The following MINAR1 variants were observed in gnomAD, a reference collection of about 807,000 sequenced individuals.
MINAR1 encodes the protein membrane integral NOTCH2 associated receptor 1, also known as major intrinsically disordered Notch2-binding receptor 1.
A neutral mutation model predicts 65.1 loss-of-function variants in MINAR1; 40 were observed. The observed-to-expected ratio is 0.61, with a 90% confidence interval of 0.48 to 0.80. The LOEUF (loss-of-function observed/expected upper bound fraction) is 0.80. Ranked by LOEUF, MINAR1 falls within the 30% of genes least tolerant of loss-of-function variation. The pLI, the probability that MINAR1 is intolerant of heterozygous loss-of-function variation, is 0.00. For missense variants in MINAR1, 1,128 were observed against 1,148.0 expected (o/e 0.98, Z 0.25); for synonymous variants, 482 against 449.1 (o/e 1.07, Z -0.93).
At chr15:79,419,059 G>A in the MINAR1 span, 1 of 152,200 alleles carries the variant, frequency 6.6e-6, no homozygotes, top group African/African-American at 2.4e-5. Flanking sequence ...GGAACACATC[G>A]ACCCTACTGG....
rs1439024536 is a variant in MINAR1 at position 79,458,054 on chromosome 15, AG to A, written c.1908del (p.Gln636HisfsTer5). ...AATAAATTGGACCAGAAAATGCAACAGCCTGAGAAGGTGAGTGTGCAGATAG... is the reference window on the plus strand; with the variant it reads ...AATAAATTGGACCAGAAAATGCAACACCTGAGAAGGTGAGTGTGCAGATAG... ...KLNKLDQKMQ[Q>X]PEKVSVQIDL... On this transcript the variant is annotated frameshift_variant, in exon 2 of 4. Transcript: ENST00000305428. LOFTEE classifies it high-confidence loss of function. The A allele has an allele frequency of 6.2e-6, 10 of 1,614,216 alleles. No homozygotes were observed. Among genetic ancestry groups the A allele is most frequent in the Non-Finnish European group, 8.5e-6 (10 of 1,180,044 alleles).
intron 1 of MINAR1, among the ~76,000 whole-genome samples, chr15:79,449,922 TCC>T (rs1434120803): frequency 1.3e-5 from 2 of 151,852 alleles, no homozygotes; most frequent in Non-Finnish European, 2.9e-5. Flanking sequence ...CATCAAACAC[TCC>T]CCTCCTCTTT....
the MINAR1 span, chr15:79,414,881 A>G: frequency 1.3e-5 from 2 of 152,218 alleles, no homozygotes; most frequent in Non-Finnish European, 2.9e-5. Flanking sequence ...GACGGGTACA[A>G]ACCAGCACCC....
chr15:79,446,059 T>G (rs978427838), intron 1 of MINAR1, among the ~76,000 whole-genome samples: 1 of 152,204 alleles, frequency 6.6e-6, no homozygotes, highest in Non-Finnish European at 1.5e-5. Flanking sequence ...ATTTTCTACC[T>G]TCTCTTAATT....
upstream of MINAR1, among the ~76,000 whole-genome samples, chr15:79,429,401 C>G (rs921600288): frequency 2.2e-4 from 33 of 152,366 alleles, no homozygotes; most frequent in African/African-American, 7.9e-4. Flanking sequence ...TATCAAATGT[C>G]TAAAACCATG....
chr15:79,440,327 C>T (rs1383799406), intron 1 of MINAR1, among the ~76,000 whole-genome samples: 1 of 152,142 alleles, frequency 6.6e-6, no homozygotes, highest in African/African-American at 2.4e-5. Context: ...TCTCCATCAA[C>T]CCAAAAGATG....
At chr15:79,467,288 A>ATT (rs1895901232) in intron 3 of MINAR1, among the ~76,000 whole-genome samples, 1 of 152,190 alleles carries the variant, frequency 6.6e-6, no homozygotes, top group African/African-American at 2.4e-5. Context: ...AAAAATGGAT[A>ATT]TTTTGTTTGC....
Position 79,457,429 on chromosome 15 carries a change from T to C in MINAR1, c.1282T>C (p.Tyr428His), listed in dbSNP as rs549288323. The part of the protein sequence containing the change: ...KDQQPILPIA[Y>H]AAKQNGLKSK... ...TCAACAGCCAATTCTCCCCATTGCT[T>C]ATGCGGCAAAACAAAATGGGCTCAA... Residue 428 changes from tyrosine (Y) to histidine (H), a missense_variant, in exon 2 of 4, where the codon TAT becomes CAT. Physicochemically the swap from Tyr to His is moderately conservative, Grantham distance 83 (BLOSUM62 2). Coordinates refer to ENST00000305428, the MANE Select transcript of MINAR1 (RefSeq NM_015206.3). The C allele has an allele frequency of 2.2e-5, 35 of 1,614,190 alleles. No individual in the cohort carries two copies. In the African/African-American group the frequency reaches 3.7e-4, roughly 17 times the overall value.
the MINAR1 span, chr15:79,420,097 C>T: frequency 6.6e-6 from 1 of 152,066 alleles, no homozygotes; most frequent in East Asian, 1.9e-4. Flanking sequence ...TAAAGATAGA[C>T]TATTATGTAT....
At chr15:79,467,657 G>C (rs1297547334) in intron 3 of MINAR1, among the ~76,000 whole-genome samples, 1 of 152,162 alleles carries the variant, frequency 6.6e-6, no homozygotes, top group South Asian at 2.1e-4. Flanking sequence ...CAGATAAATG[G>C]CTGAATTTGA....
At chr15:79,437,678 GGTGGC>G (rs1203337184) in intron 1 of MINAR1, among the ~76,000 whole-genome samples, 23 of 116,086 alleles carry the variant, frequency 2.0e-4, no homozygotes, top group East Asian at 5.5e-4. Context: ...GTGGGGTGTG[GGTGGC>G]GTGGGTAGTG....
At chr15:79,434,318 G>A (rs994473539) in intron 1 of MINAR1, among the ~76,000 whole-genome samples, 9 of 152,122 alleles carry the variant, frequency 5.9e-5, no homozygotes, top group African/African-American at 1.4e-4. Flanking sequence ...AGGCAAAATT[G>A]ATGTCTTTCC....
upstream of MINAR1, among the ~76,000 whole-genome samples, chr15:79,427,656 G>A (rs1894344225): frequency 6.6e-6 from 1 of 152,210 alleles, no homozygotes; most frequent in South Asian, 2.1e-4. Flanking sequence ...TCCCTAGGAA[G>A]TGAAGTAGAG....
In MINAR1 at chr15:79,463,289, G is replaced by A. The variant is rs763852899; in HGVS notation, c.2521G>A (p.Asp841Asn). 9.3e-6 allele frequency: 15 copies of A among 1,613,944 alleles called. No homozygotes were observed. Among genetic ancestry groups the A allele is most frequent in the South Asian group, 2.2e-5 (2 of 91,086 alleles). The part of the protein sequence containing the change: ...TIEEYARNAG[D>N]KGKLTALDLQ... ...TGAGGAGTATGCACGGAATGCGGGC[G>A]ACAAGGGCAAGCTGACAGCCCTGGA... The change falls in exon 3 of 4, where the codon GAC (aspartate) becomes AAC (asparagine). Residue 841 changes from aspartate (D) to asparagine (N), a missense_variant. Asp to Asn is a conservative substitution (Grantham distance 23). Transcript: ENST00000305428.
chr15:79,412,820 G>A, the MINAR1 span: 1 of 152,346 alleles, frequency 6.6e-6, no homozygotes, highest in Non-Finnish European at 1.5e-5. Context: ...CCATTGGAGT[G>A]TTGTGACCAG....
At chr15:79,454,246 C>G (rs2141291155) in intron 1 of MINAR1, among the ~76,000 whole-genome samples, 1 of 152,262 alleles carries the variant, frequency 6.6e-6, no homozygotes, top group South Asian at 2.1e-4. Flanking sequence ...AAATGCAAAC[C>G]ACTGGTCTCT....
At position 79,457,752 on chromosome 15, in the gene MINAR1, A is replaced by C. The variant is rs781687580; in HGVS notation, c.1605A>C (p.Gly535=). 6.2e-7 allele frequency: 1 copy of C among 1,614,216 alleles called. No homozygotes were observed. The highest frequency in any genetic ancestry group is 8.5e-7 in the Non-Finnish European group (1 of 1,180,044). Residue 535 remains glycine (G), a synonymous_variant, in exon 2 of 4, where the codon GGA becomes GGC. Transcript: ENST00000305428. ...ACATGAGCATCAGTGGCTCCACGGGAGTGATACAGTCGTCCTGCTACAACA... is the reference window on the plus strand; with the variant it reads ...ACATGAGCATCAGTGGCTCCACGGGCGTGATACAGTCGTCCTGCTACAACA... ...LDDMSISGST[G]VIQSSCYNST...
intron 2 of MINAR1, among the ~76,000 whole-genome samples, chr15:79,459,660 G>A (rs1296248527): frequency 6.6e-6 from 1 of 152,166 alleles, no homozygotes; most frequent in African/African-American, 2.4e-5. Flanking sequence ...TCCTCAAATG[G>A]TGCTGAGAAG....
chr15:79,420,395 T>C, the MINAR1 span: 1 of 152,174 alleles, frequency 6.6e-6, no homozygotes, highest in Non-Finnish European at 1.5e-5. Context: ...ATCAATACTT[T>C]TATACAGTAA....
Sources: allele counts gnomAD v4.1 joint callset (sites outside exome capture counted in the v4.1 genomes callset), GRCh38; gene constraint gnomAD v4.1.1; transcripts MANE v1.5; gene names NCBI Gene and HGNC (gene_info 2026-07-23, HGNC 2026-07-21).